Variants in ZFPM2 observed in about 807,000 individuals in gnomAD.
ZFPM2 encodes zinc finger protein, FOG family member 2, also known as zinc finger protein ZFPM2.
A neutral mutation model predicts 98.6 loss-of-function variants in ZFPM2; 20 were observed. The ratio of observed to expected loss-of-function variants is 0.20; its 90% CI spans 0.14 to 0.29. ZFPM2 has a LOEUF of 0.29. Among genes scored for constraint, ZFPM2 ranks in the 10% least tolerant of loss-of-function variants. ZFPM2 has a pLI of 1.00. For synonymous variants in ZFPM2, 518 were observed against 502.7 expected (o/e 1.03, Z -0.41); for missense variants, 1,310 against 1,388.6 (o/e 0.94, Z 0.90).
chr8:105,331,470 G>A (rs1812233031), intron 1 of ZFPM2, among the ~76,000 whole-genome samples: 1 of 151,544 alleles, frequency 6.6e-6, no homozygotes, highest in Non-Finnish European at 1.5e-5. Flanking sequence ...TACGTGTTAG[G>A]GGATTTGTTG....
At chr8:105,447,418 T>C (rs1329084523) in intron 3 of ZFPM2, among the ~76,000 whole-genome samples, 1 of 152,014 alleles carries the variant, frequency 6.6e-6, no homozygotes, top group Non-Finnish European at 1.5e-5. Context: ...TCAGATCATA[T>C]ACATGAAATG....
intron 2 of ZFPM2, among the ~76,000 whole-genome samples, chr8:105,432,212 C>CATAG: frequency 6.6e-6 from 1 of 151,908 alleles, no homozygotes; most frequent in Non-Finnish European, 1.5e-5. Flanking sequence ...TTCCATAAGC[C>CATAG]ATAGTAGAGA....
intron 3 of ZFPM2, among the ~76,000 whole-genome samples, chr8:105,558,262 A>G (rs1416179665): frequency 1.3e-5 from 2 of 152,178 alleles, no homozygotes; most frequent in Non-Finnish European, 2.9e-5. Flanking sequence ...TATTTGCGCT[A>G]TGCTTGCAGT....
At chr8:105,573,190 G>A (rs926933089) in intron 4 of ZFPM2, among the ~76,000 whole-genome samples, 9 of 152,046 alleles carry the variant, frequency 5.9e-5, no homozygotes, top group Non-Finnish European at 8.8e-5. Flanking sequence ...ATGGCAGCTG[G>A]CATCCCTCTG....
chr8:105,558,882 A>C (rs2130692001), intron 3 of ZFPM2, among the ~76,000 whole-genome samples: 1 of 152,326 alleles, frequency 6.6e-6, no homozygotes, highest in South Asian at 2.1e-4. Flanking sequence ...TTTAAATGGT[A>C]AATTGTAAAT....
intron 5 of ZFPM2, among the ~76,000 whole-genome samples, chr8:105,695,941 G>A (rs1230104730): frequency 6.6e-6 from 1 of 152,084 alleles, no homozygotes; most frequent in Non-Finnish European, 1.5e-5. Context: ...TGATTTTCTT[G>A]CTCTCTGCAG....
At chr8:105,374,400 C>G (rs1357862533) in intron 1 of ZFPM2, among the ~76,000 whole-genome samples, 1 of 151,950 alleles carries the variant, frequency 6.6e-6, no homozygotes, top group Non-Finnish European at 1.5e-5. Context: ...GAGTTTTAAA[C>G]TAAGAATTTT....
intron 5 of ZFPM2, among the ~76,000 whole-genome samples, chr8:105,708,634 A>G (rs1222116881): frequency 6.6e-6 from 1 of 151,876 alleles, no homozygotes; most frequent in African/African-American, 2.4e-5. Context: ...GGTTGAGATG[A>G]GGTTTCGCCA....
intron 3 of ZFPM2, among the ~76,000 whole-genome samples, chr8:105,532,549 T>G (rs1230388239): frequency 6.6e-6 from 1 of 152,202 alleles, no homozygotes; most frequent in East Asian, 1.9e-4. Flanking sequence ...AAAAAGCTAA[T>G]CAAATGTTAA....
chr8:105,795,513 A>G (rs1480533016), intron 6 of ZFPM2, among the ~76,000 whole-genome samples: 1 of 152,146 alleles, frequency 6.6e-6, no homozygotes, highest in Non-Finnish European at 1.5e-5. Flanking sequence ...GAAAAAAAGA[A>G]ACAAAATACG....
chr8:105,539,919 T>C (rs1468569597), intron 3 of ZFPM2, among the ~76,000 whole-genome samples: 1 of 152,160 alleles, frequency 6.6e-6, no homozygotes. Context: ...TTGGGCTTCA[T>C]GTAACTTTAA....
intron 5 of ZFPM2, among the ~76,000 whole-genome samples, chr8:105,741,425 T>C (rs760056772): frequency 6.6e-6 from 1 of 152,020 alleles, no homozygotes; most frequent in Non-Finnish European, 1.5e-5. Flanking sequence ...GATCAAGAAA[T>C]TATAGTATAT....
chr8:105,537,750 G>A (rs1323971790), intron 3 of ZFPM2, among the ~76,000 whole-genome samples: 1 of 149,116 alleles, frequency 6.7e-6, no homozygotes, highest in Admixed American at 6.7e-5. Context: ...ATTTTTTTTT[G>A]AGATGGAATC....
intron 5 of ZFPM2, among the ~76,000 whole-genome samples, chr8:105,758,761 G>A (rs528181242): frequency 3.2e-4 from 49 of 152,102 alleles, no homozygotes; most frequent in African/African-American, 1.1e-3. Context: ...GTTATAGAAA[G>A]CTAGGGCCCT....
intron 5 of ZFPM2, among the ~76,000 whole-genome samples, chr8:105,765,671 A>T (rs193290508): frequency 2.0e-4 from 31 of 151,894 alleles, no homozygotes; most frequent in African/African-American, 7.2e-4. Context: ...TCGTCCCCAA[A>T]TCCCTATTTC....
At chr8:105,358,986 C>T (rs1176955928) in intron 1 of ZFPM2, among the ~76,000 whole-genome samples, 1 of 152,094 alleles carries the variant, frequency 6.6e-6, no homozygotes, top group South Asian at 2.1e-4. Flanking sequence ...GTCTGTGGAA[C>T]CCCAGAGGTA....
At chr8:105,463,979 G>A (rs1462888808) in intron 3 of ZFPM2, among the ~76,000 whole-genome samples, 2 of 151,994 alleles carry the variant, frequency 1.3e-5, no homozygotes, top group African/African-American at 2.4e-5. Flanking sequence ...CAAAATCCCC[G>A]CCTCCCCGCT....
chr8:105,475,654 G>A lies in ZFPM2; in HGVS notation c.301+31273G>A, dbSNP rs113091862. On this transcript the variant is annotated intron_variant, in intron 3 of 7. Coordinates refer to ENST00000407775, the MANE Select transcript of ZFPM2 (RefSeq NM_012082.4). ...AAATTTCAATGTGAATTAGAAAAGC[G>A]TTTTTAACATCATCTCTGGAAGTCT... 6.9e-3 allele frequency among the ~76,000 whole-genome samples: 1,053 copies of A among 152,266 alleles called. 10 individuals are homozygous for A. The highest frequency in any genetic ancestry group is 0.022 in the African/African-American group (924 of 41,566).
chr8:105,660,190 G>A (rs1205962424), intron 5 of ZFPM2, among the ~76,000 whole-genome samples: 2 of 151,908 alleles, frequency 1.3e-5, no homozygotes, highest in Admixed American at 6.6e-5. Context: ...TTAAAGGACC[G>A]AGGCTGTACT....
Sources: gnomAD v4.1 joint callset for allele counts (sites outside exome capture counted in the v4.1 genomes callset) on GRCh38, gnomAD v4.1.1 for gene constraint, MANE v1.5 for transcripts, NCBI Gene and HGNC (gene_info 2026-07-23, HGNC 2026-07-21) for gene names.